Variants in DGKI observed in about 807,000 individuals in gnomAD.
DGKI encodes the protein diacylglycerol kinase iota.
DGKI carries 55 observed loss-of-function variants against 147.5 expected under a neutral mutation model. That is an observed-to-expected ratio of 0.37 (90% confidence interval 0.30 to 0.47). DGKI has a LOEUF of 0.47. Ranked by LOEUF, DGKI falls within the 20% of genes least tolerant of loss-of-function variation. The pLI, the probability that DGKI is intolerant of heterozygous loss-of-function variation, is 1.00. For synonymous variants in DGKI, 469 were observed against 477.1 expected, an observed-to-expected ratio of 0.98 and a Z score of 0.22; for missense variants, 1,007 against 1,323.8, an observed-to-expected ratio of 0.76 and a Z score of 3.71.
At chr7:137,584,879 T>C (rs555416608) in intron 14 of DGKI, among the ~76,000 whole-genome samples, 3 of 152,302 alleles carry the variant, frequency 2.0e-5, no homozygotes, top group South Asian at 2.1e-4. Context: ...TGCTTACAAA[T>C]ATACATATTT....
intron 6 of DGKI, among the ~76,000 whole-genome samples, chr7:137,642,244 C>T (rs1343112620): frequency 6.6e-6 from 1 of 152,102 alleles, no homozygotes; most frequent in Non-Finnish European, 1.5e-5. Context: ...TGGGTTTGGC[C>T]ACTAGAACAT....
chr7:137,761,324 C>T (rs1239091049), intron 1 of DGKI, among the ~76,000 whole-genome samples: 1 of 152,146 alleles, frequency 6.6e-6, no homozygotes, highest in Non-Finnish European at 1.5e-5. Context: ...AAATCTTGGC[C>T]CTGGCATTTA....
intron 5 of DGKI, among the ~76,000 whole-genome samples, chr7:137,649,587 A>T (rs1187798519): frequency 6.6e-6 from 1 of 152,032 alleles, no homozygotes; most frequent in African/African-American, 2.4e-5. Context: ...ACACAATACA[A>T]TTGCTTGGCT....
chr7:137,602,729 C>T (rs1820037369), intron 10 of DGKI, among the ~76,000 whole-genome samples: 1 of 152,012 alleles, frequency 6.6e-6, no homozygotes, highest in East Asian at 1.9e-4. Flanking sequence ...TATTAATTCA[C>T]CAGGAGAAGG....
chr7:137,493,883 A>T, intron 21 of DGKI: 1 of 648,326 alleles, frequency 1.5e-6, no homozygotes, highest in Non-Finnish European at 2.8e-6. Context: ...AATGAAGATC[A>T]TCGAGATTCA....
intron 1 of DGKI, among the ~76,000 whole-genome samples, chr7:137,813,460 C>T (rs1049399204): frequency 6.6e-5 from 10 of 152,114 alleles, no homozygotes; most frequent in Non-Finnish European, 1.0e-4. Flanking sequence ...TCACACTGGG[C>T]GTGGCAGGGC....
At chr7:137,772,372 T>C (rs561900354) in intron 1 of DGKI, among the ~76,000 whole-genome samples, 1 of 152,168 alleles carries the variant, frequency 6.6e-6, no homozygotes, top group Non-Finnish European at 1.5e-5. Flanking sequence ...TGAGAGCTAT[T>C]CGTGATTCAC....
intron 23 of DGKI, 81 bp downstream of exon 23, chr7:137,485,293 A>T (rs1397061385): frequency 6.5e-6 from 7 of 1,082,136 alleles, no homozygotes; most frequent in Non-Finnish European, 9.6e-6. Flanking sequence ...TGTGAACTCT[A>T]AATCAAAATA....
chr7:137,741,448 A>G (rs1795170864), intron 1 of DGKI, among the ~76,000 whole-genome samples: 1 of 152,142 alleles, frequency 6.6e-6, no homozygotes, highest in Non-Finnish European at 1.5e-5. Context: ...TTAATCCCAC[A>G]AGGTTCCTTC....
Position 137,619,887 on chromosome 7 carries a change from G to A in DGKI, c.930C>T (p.Ser310=). The A allele has an allele frequency of 6.2e-7, 1 of 1,614,012 alleles. No individual in the cohort carries two copies. ...CAATAACAGCAGCATGAGCCCCCAG[G>A]GAGCAGGGTTCTTCAATGTGATGCA... ...FMLHHIEEPC[S]LGAHAAVIVP... Residue 310 remains serine (S), a synonymous_variant, in exon 8 of 33, where the codon TCC becomes TCT. Transcript: ENST00000614521.
At chr7:137,632,587 G>A (rs1490630088) in intron 6 of DGKI, among the ~76,000 whole-genome samples, 1 of 152,092 alleles carries the variant, frequency 6.6e-6, no homozygotes, top group Non-Finnish European at 1.5e-5. Flanking sequence ...GGCCGGGCAT[G>A]GTGGCTCACA....
intron 20 of DGKI, among the ~76,000 whole-genome samples, chr7:137,533,322 A>G (rs2128957605): frequency 6.6e-6 from 1 of 152,238 alleles, no homozygotes; most frequent in African/African-American, 2.4e-5. Context: ...AAAATAAATT[A>G]CTTGGATGAA....
intron 2 of DGKI, among the ~76,000 whole-genome samples, chr7:137,683,225 C>T (rs906995353): frequency 8.6e-5 from 13 of 151,704 alleles, no homozygotes; most frequent in Middle Eastern, 6.8e-3. Flanking sequence ...ATGATTGTGC[C>T]TCTCCCTTGT....
At chr7:137,437,849 G>C (rs577064242) in intron 28 of DGKI, among the ~76,000 whole-genome samples, 1 of 152,234 alleles carries the variant, frequency 6.6e-6, no homozygotes, top group African/African-American at 2.4e-5. Context: ...TTGTAAGTCA[G>C]TGAAGAAAAT....
intron 1 of DGKI, among the ~76,000 whole-genome samples, chr7:137,769,931 T>C (rs1265041056): frequency 6.6e-6 from 1 of 152,232 alleles, no homozygotes; most frequent in Non-Finnish European, 1.5e-5. Flanking sequence ...CTCAAGGATC[T>C]AGAACCAGAA....
chr7:137,483,643 G>A (rs969187295), intron 23 of DGKI, among the ~76,000 whole-genome samples: 1 of 151,952 alleles, frequency 6.6e-6, no homozygotes, highest in Non-Finnish European at 1.5e-5. Flanking sequence ...TCCCCTCTCT[G>A]TGTCCATGTG....
chr7:137,638,778 ATATT>A (rs1302004164), intron 6 of DGKI, among the ~76,000 whole-genome samples: 1 of 150,136 alleles, frequency 6.7e-6, no homozygotes, highest in African/African-American at 2.4e-5. Context: ...TTATACAGAG[ATATT>A]TATTATGTTG....
At position 137,645,542 on chromosome 7, in the gene DGKI, G is replaced by A; in HGVS notation, c.739-5C>T. 1 of 1,609,592 alleles carries A rather than the reference G, an allele frequency of 6.2e-7. No individual in the cohort carries two copies. The highest frequency in any genetic ancestry group is 8.5e-7 in the Non-Finnish European group (1 of 1,177,864). On this transcript the variant is annotated splice_polypyrimidine_tract_variant and splice_region_variant and intron_variant, in intron 5 of 32. Transcript: ENST00000614521. ...CCAGTGATGACGTACAAAATTCTGT[G>A]GGAAAACAAAATTAAATGAATATTT... is the stretch of plus-strand genomic sequence containing the variant.
intron 1 of DGKI, among the ~76,000 whole-genome samples, chr7:137,741,376 T>C (rs924785247): frequency 2.6e-5 from 4 of 152,200 alleles, no homozygotes; most frequent in African/African-American, 9.7e-5. Flanking sequence ...GATGGACAAG[T>C]GAAGTGCTGA....
Sources: gnomAD v4.1 joint callset for allele counts (sites outside exome capture counted in the v4.1 genomes callset) on GRCh38, gnomAD v4.1.1 for gene constraint, MANE v1.5 for transcripts, NCBI Gene and HGNC (gene_info 2026-07-23, HGNC 2026-07-21) for gene names.